The following ITGB7 variants were observed in gnomAD, a reference collection of about 807,000 sequenced individuals.
The protein encoded by ITGB7 is integrin beta-7.
Under a neutral mutation model 83.4 loss-of-function variants are expected in ITGB7, and 55 were observed. The observed-to-expected ratio is 0.66, with a 90% CI of 0.53 to 0.83. The LOEUF is 0.83. Among genes scored for constraint, ITGB7 ranks in the 40% least tolerant of loss-of-function variants. ITGB7 has a pLI of 0.00. For missense variants in ITGB7, 921 were observed against 1,046.7 expected, an observed-to-expected ratio of 0.88 and a Z score of 1.66; for synonymous variants, 454 against 423.6, an observed-to-expected ratio of 1.07 and a Z score of -0.88.
chr12:53,200,507 CCTCTAAACTTAGCTTGTGGTTATCACT>C, intron 2 of ITGB7, 61 bp from the exon 3 acceptor site: 1 of 1,418,486 alleles, frequency 7.0e-7, no homozygotes, highest in East Asian at 2.3e-5. Flanking sequence ...AACTCTCAGT[CCTCTAAACTTAGCTTGTGGTTATCACT>C]CTCAAAACTC....
intron 15 of ITGB7, 48 bp downstream of exon 15, chr12:53,191,811 G>T (rs1216483574): frequency 7.5e-6 from 12 of 1,609,614 alleles, no homozygotes; most frequent in Admixed American, 3.3e-5. Context: ...GGCTGGTCTT[G>T]TGGTGGGGGA....
At chr12:53,199,933 A>G (rs1034174849) in intron 3 of ITGB7, among the ~76,000 whole-genome samples, 3 of 152,168 alleles carry the variant, frequency 2.0e-5, no homozygotes, top group Non-Finnish European at 4.4e-5. Flanking sequence ...ACCTATACAC[A>G]AGCATGAATT....
chr12:53,196,319 G>T, intron 6 of ITGB7, 120 bp from the exon 7 acceptor site: 1 of 1,222,512 alleles, frequency 8.2e-7, no homozygotes, highest in Non-Finnish European at 1.2e-6. Context: ...CCATCCCCTT[G>T]CCTCCAGTAC....
chr12:53,200,473 G>A (rs946721881), intron 2 of ITGB7, 27 bp from the exon 3 acceptor site: 6 of 1,600,998 alleles, frequency 3.7e-6, no homozygotes, highest in South Asian at 1.1e-5. Flanking sequence ...AGGGGGACAT[G>A]TGGGTCCTCA....
In ITGB7 at chr12:53,192,362, C is replaced by T; in HGVS notation, c.2123G>A (p.Gly708Asp). The T allele has an allele frequency of 6.2e-7, 1 of 1,614,108 alleles. No individual in the cohort carries two copies. The highest frequency in any genetic ancestry group is 8.5e-7 in the Non-Finnish European group (1 of 1,180,036). ...GGGTCTCACTCTGAGCACGACCGTG[C>T]CTCTGGCGTCATCCTCCACCAAGAA... ...FFFLVEDDARGTVVLRVRPQE... is the reference protein window; with the variant it reads ...FFFLVEDDARDTVVLRVRPQE... Residue 708 changes from glycine to aspartate, a missense_variant, in exon 14 of 16, where the codon GGC becomes GAC. Physicochemically the swap from Gly to Asp is moderately conservative, Grantham distance 94. Transcript: ENST00000267082.
rs1243047462 is a variant in ITGB7, at chr12:53,196,087, T to C, written c.929A>G (p.His310Arg). ...LGGIFMPSDG[H>R]CHLDSNGLYS... Reference sequence around the variant, plus strand: ...GAGGCCATTGCTGTCCAAGTGGCAGTGCCCATCACTGGGCATGAAAATGCC... The same window carrying C: ...GAGGCCATTGCTGTCCAAGTGGCAGCGCCCATCACTGGGCATGAAAATGCC... Residue 310 changes from histidine (H) to arginine (R), a missense_variant, in exon 7 of 16, where the codon CAC becomes CGC. His to Arg is a conservative substitution (Grantham distance 29). Transcript: ENST00000267082. The C allele has an allele frequency of 6.2e-7, 1 of 1,614,032 alleles. No individual in the cohort carries two copies. The highest frequency in any genetic ancestry group is 1.3e-5 in the African/African-American group (1 of 74,906).
Position 53,200,301 on chromosome 12 carries a change from G to T in ITGB7, c.143C>A (p.Ala48Asp), listed in dbSNP as rs1565707494. ...HLSMLGSCQP[A>D]PSCQKCILSH... is the part of the protein sequence containing the mutation. ...GAGGATGCACTTCTGGCAGGAGGGG[G>T]CTGGCTGGCAGGACCCCAGCATGGA... The change falls in exon 3 of 16, where the codon GCC (alanine) becomes GAC (aspartate). Residue 48 changes from alanine to aspartate, a missense_variant. Transcript: ENST00000267082. 1 of 1,614,146 alleles carries T rather than the reference G, an allele frequency of 6.2e-7. No homozygotes were observed. Among genetic ancestry groups the T allele is most frequent in the East Asian group, 2.2e-5 (1 of 44,882 alleles).
At chr12:53,201,788 G>T (rs368107262) in intron 1 of ITGB7, among the ~76,000 whole-genome samples, 1 of 151,910 alleles carries the variant, frequency 6.6e-6, no homozygotes, top group Non-Finnish European at 1.5e-5. Flanking sequence ...TGGCTCATGC[G>T]TGTAATCCCA....
At chr12:53,195,873 G>T (rs546622759) in intron 7 of ITGB7, 152 bp from the exon 8 acceptor site, 19 of 962,936 alleles carry the variant, frequency 2.0e-5, no homozygotes, top group Non-Finnish European at 2.5e-5. Context: ...AGGGAATGGG[G>T]TGACAAAGGT....
At position 53,192,506 on chromosome 12, in the gene ITGB7, C is replaced by T; in HGVS notation, c.1979G>A (p.Gly660Asp). The part of the protein sequence containing the change: ...DCAECGAFRT[G>D]PLATNCSTAC... ...TGTACTGCAGTTGGTGGCCAGTGGGCCAGTCCTGAAGGCCCCACACTCTGC... is the reference window on the plus strand; with the variant it reads ...TGTACTGCAGTTGGTGGCCAGTGGGTCAGTCCTGAAGGCCCCACACTCTGC... Residue 660 changes from glycine to aspartate, a missense_variant, in exon 14 of 16, where the codon GGC becomes GAC. Physicochemically the swap from Gly to Asp is moderately conservative, Grantham distance 94. Coordinates refer to ENST00000267082, the MANE Select transcript of ITGB7 (RefSeq NM_000889.3). 6.2e-7 allele frequency: 1 copy of T among 1,614,122 alleles called. No individual in the cohort carries two copies.
rs201131467 is a variant in ITGB7 at position 53,192,033 on chromosome 12, A to G, written c.2156-14T>C. The G allele has an allele frequency of 8.6e-4, 1,384 of 1,608,692 alleles. No individual in the cohort carries two copies. Among genetic ancestry groups the G allele is most frequent in the Non-Finnish European group, 1.1e-3 (1,278 of 1,176,706 alleles). ...GGTCTGCTCCCTCTGTGAACAAGAA[A>G]CCAGACACACTTGTGGGAGCTGGAG... On this transcript the variant is annotated splice_polypyrimidine_tract_variant and intron_variant, in intron 14 of 15. Transcript: ENST00000267082.
chr12:53,194,625 A>G, intron 9 of ITGB7: 2 of 358,820 alleles, frequency 5.6e-6, no homozygotes, highest in South Asian at 3.8e-5. Context: ...ATGTACAGAG[A>G]CCATGTTTGT....
rs925158415 is a variant in ITGB7 at position 53,197,123 on chromosome 12, G to A, written c.575-303C>T. On this transcript the variant is annotated intron_variant, in intron 5 of 15. Coordinates refer to ENST00000267082, the MANE Select transcript of ITGB7 (RefSeq NM_000889.3). ...GGCAAAGGAAGGAAATTTGAATAGA[G>A]GAGAGTTGGCACAGAATGTGGAGCC... is the stretch of plus-strand genomic sequence containing the variant. 3 of 546,500 alleles carry A rather than the reference G, an allele frequency of 5.5e-6. No homozygotes were observed. The East Asian group carries it at 9.6e-5, about 17-fold the overall frequency. 33.9% of individuals were successfully genotyped at this position (546,500 alleles called of 1,614,324 possible).
intron 5 of ITGB7, 100 bp downstream of exon 5, chr12:53,197,393 G>T: frequency 7.3e-7 from 1 of 1,377,554 alleles, no homozygotes; most frequent in Non-Finnish European, 1.0e-6. Context: ...ACAACTGGGA[G>T]GGCAAGTTGG....
In ITGB7 at chr12:53,192,673, C is replaced by G. The variant is rs780639538; in HGVS notation, c.1946+18G>C. On this transcript the variant is annotated intron_variant, in intron 13 of 15. Transcript: ENST00000267082. ...CCACTGTGCCCCTGCTCCCAAGATGCAAGACCTGAGGCCTCACCGGTGTCT... is the reference window on the plus strand; with the variant it reads ...CCACTGTGCCCCTGCTCCCAAGATGGAAGACCTGAGGCCTCACCGGTGTCT... 1.9e-6 allele frequency: 3 copies of G among 1,609,706 alleles called. No individual in the cohort carries two copies. Among genetic ancestry groups the G allele is most frequent in the South Asian group, 2.2e-5 (2 of 90,972 alleles).
intron 1 of ITGB7, among the ~76,000 whole-genome samples, chr12:53,201,767 G>T (rs1266163450): frequency 6.6e-6 from 1 of 152,138 alleles, no homozygotes; most frequent in East Asian, 1.9e-4. Flanking sequence ...GACAGCATTG[G>T]CTGGTCGCAG....
intron 8 of ITGB7, 71 bp downstream of exon 8, chr12:53,195,555 G>T: frequency 6.6e-7 from 1 of 1,525,600 alleles, no homozygotes; most frequent in Non-Finnish European, 9.1e-7. Context: ...GGGGGACGGA[G>T]AATGTATCTT....
At chr12:53,198,548 C>A (rs11574533) in intron 3 of ITGB7, among the ~76,000 whole-genome samples, 16,977 of 151,778 alleles carry the variant, frequency 0.11, 2,258 homozygotes, top group African/African-American at 0.31. Flanking sequence ...GAACCGCCAC[C>A]GGTGGAACTC....
rs762577427 is a variant in ITGB7, at chr12:53,193,295, T to C, written c.1571A>G (p.Glu524Gly). ...GCCATTGGGAGCCCGGCACCCAGAT[T>C]CCAGGTCTGGGGAGGACAGCTCTGC... ...SVAELSSPDL[E>G]SGCRAPNGTG... The change falls in exon 12 of 16, where the codon GAA becomes GGA. Residue 524 changes from glutamate (E) to glycine (G), a missense_variant. Coordinates refer to ENST00000267082, the MANE Select transcript of ITGB7 (RefSeq NM_000889.3). 2 of 1,612,766 alleles carry C rather than the reference T, an allele frequency of 1.2e-6. No homozygotes were observed. The highest frequency in any genetic ancestry group is 8.5e-7 in the Non-Finnish European group (1 of 1,179,008).
Sources: allele counts gnomAD v4.1 joint callset (sites outside exome capture counted in the v4.1 genomes callset), GRCh38; gene constraint gnomAD v4.1.1; transcripts MANE v1.5; gene names NCBI Gene and HGNC (gene_info 2026-07-23, HGNC 2026-07-21).